TMTC2: variants seen among roughly 807,000 people sequenced by gnomAD.
The protein encoded by TMTC2 is transmembrane O-mannosyltransferase targeting cadherins 2, also known as protein O-mannosyl-transferase TMTC2.
TMTC2 carries 43 observed loss-of-function variants against 82.4 expected under a neutral mutation model. The ratio of observed to expected loss-of-function variants is 0.52; its 90% confidence interval spans 0.41 to 0.67. The LOEUF (loss-of-function observed/expected upper bound fraction) is 0.67. Ranked by LOEUF, TMTC2 falls within the 30% of genes least tolerant of loss-of-function variation. The pLI, the probability that TMTC2 is intolerant of heterozygous loss-of-function variation, is 0.00. For missense variants in TMTC2, 919 were observed against 1,012.4 expected (o/e 0.91, Z 1.25); for synonymous variants, 408 against 381.9 (o/e 1.07, Z -0.80).
intron 2 of TMTC2, among the ~76,000 whole-genome samples, chr12:82,889,201 T>C (rs1198525369): frequency 6.8e-6 from 1 of 147,466 alleles, no homozygotes; most frequent in African/African-American, 2.5e-5. Flanking sequence ...CACTTGAATG[T>C]GGGAGGCAGA....
intron 1 of TMTC2, among the ~76,000 whole-genome samples, chr12:82,788,890 G>C (rs768035971): frequency 6.6e-6 from 1 of 152,092 alleles, no homozygotes; most frequent in African/African-American, 2.4e-5. Flanking sequence ...GCCTGGCCTG[G>C]AGGAGTGGCT....
At chr12:83,131,942 CAT>C (rs1293780208) in intron 11 of TMTC2, among the ~76,000 whole-genome samples, 5 of 152,094 alleles carry the variant, frequency 3.3e-5, no homozygotes, top group African/African-American at 1.2e-4. Context: ...TTTAGATCTT[CAT>C]ATGTTACCTA....
chr12:82,937,750 G>GTATATA (rs1162321741), intron 4 of TMTC2, among the ~76,000 whole-genome samples: 19 of 106,032 alleles, frequency 1.8e-4, no homozygotes, highest in Non-Finnish European at 2.8e-4. Flanking sequence ...GTGTGTGTGT[G>GTATATA]TATATATATA....
At chr12:82,958,903 G>A (rs921965721) in intron 4 of TMTC2, among the ~76,000 whole-genome samples, 7 of 152,044 alleles carry the variant, frequency 4.6e-5, no homozygotes, top group African/African-American at 1.4e-4. Flanking sequence ...TTTACTGATA[G>A]CATTAATCTA....
chr12:82,707,953 T>C (rs1873443163), intron 1 of TMTC2, among the ~76,000 whole-genome samples: 1 of 152,222 alleles, frequency 6.6e-6, no homozygotes, highest in African/African-American at 2.4e-5. Flanking sequence ...AGGAGATAGT[T>C]GATTCATATA....
At chr12:82,769,812 T>C (rs1326142678) in intron 1 of TMTC2, among the ~76,000 whole-genome samples, 1 of 152,130 alleles carries the variant, frequency 6.6e-6, no homozygotes, top group Non-Finnish European at 1.5e-5. Flanking sequence ...AGTTTCGCCA[T>C]GTTTGCCAGG....
intron 4 of TMTC2, among the ~76,000 whole-genome samples, chr12:82,947,565 G>T (rs145464946): frequency 0.044 from 6,458 of 147,568 alleles, 612 homozygotes; most frequent in African/African-American, 0.16. Context: ...CTCCTGACCT[G>T]GTGATCCGCC....
At chr12:82,875,307 T>C (rs890049619) in intron 2 of TMTC2, among the ~76,000 whole-genome samples, 4 of 152,176 alleles carry the variant, frequency 2.6e-5, no homozygotes, top group Admixed American at 2.6e-4. Flanking sequence ...TATCTGACAC[T>C]TTAACTCTTC....
At chr12:82,914,817 A>ATTTTTT (rs71068958) in intron 3 of TMTC2, among the ~76,000 whole-genome samples, 26 of 86,426 alleles carry the variant, frequency 3.0e-4, no homozygotes, top group Non-Finnish European at 4.1e-4. Flanking sequence ...CAACTCACTT[A>ATTTTTT]TTTTTTTTTT....
intron 10 of TMTC2, among the ~76,000 whole-genome samples, 186 bp downstream of exon 10, chr12:83,051,204 C>T (rs7294871): frequency 0.32 from 49,041 of 152,076 alleles, 8,929 homozygotes; most frequent in South Asian, 0.46. Context: ...CGGTGGCCCA[C>T]GGGCCACATG....
intron 11 of TMTC2, among the ~76,000 whole-genome samples, chr12:83,127,437 A>G (rs1384004763): frequency 6.6e-6 from 1 of 152,128 alleles, no homozygotes; most frequent in African/African-American, 2.4e-5. Flanking sequence ...CACAGAGACC[A>G]ATGGGATACA....
intron 8 of TMTC2, among the ~76,000 whole-genome samples, chr12:83,018,400 C>G (rs866438847): frequency 6.6e-6 from 1 of 152,186 alleles, no homozygotes; most frequent in South Asian, 2.1e-4. Context: ...CATGCTATCG[C>G]TAAGCAGTTT....
At chr12:83,029,617 G>T (rs566442915) in intron 8 of TMTC2, among the ~76,000 whole-genome samples, 8 of 152,202 alleles carry the variant, frequency 5.3e-5, no homozygotes, top group Middle Eastern at 6.8e-3. Context: ...TGTGGCTTTG[G>T]ACACCACCCA....
At chr12:82,942,762 C>T (rs990542030) in intron 4 of TMTC2, among the ~76,000 whole-genome samples, 14 of 151,908 alleles carry the variant, frequency 9.2e-5, no homozygotes, top group African/African-American at 3.1e-4. Context: ...ACCTGGACGT[C>T]TGCAGAATGG....
At chr12:83,093,282 A>G (rs1439651107) in intron 11 of TMTC2, among the ~76,000 whole-genome samples, 2 of 152,236 alleles carry the variant, frequency 1.3e-5, no homozygotes, top group Non-Finnish European at 2.9e-5. Flanking sequence ...AGTAGTATTT[A>G]AAAATTACAT....
intron 9 of TMTC2, among the ~76,000 whole-genome samples, chr12:83,048,079 A>C (rs545727760): frequency 6.6e-6 from 1 of 152,336 alleles, no homozygotes; most frequent in South Asian, 2.1e-4. Flanking sequence ...CTTTGTTTGA[A>C]TACCACATAA....
intron 1 of TMTC2, among the ~76,000 whole-genome samples, chr12:82,798,048 C>T (rs1404125011): frequency 6.7e-6 from 1 of 150,024 alleles, no homozygotes. Context: ...CACCATTCTC[C>T]TGCCTCACAC....
chr12:82,983,336 C>A (rs2137332272), intron 7 of TMTC2, among the ~76,000 whole-genome samples: 1 of 151,982 alleles, frequency 6.6e-6, no homozygotes, highest in South Asian at 2.1e-4. Flanking sequence ...TTACATTACT[C>A]ATTTATAGCC....
At chr12:82,888,443 G>A (rs930594204) in intron 2 of TMTC2, among the ~76,000 whole-genome samples, 1 of 152,202 alleles carries the variant, frequency 6.6e-6, no homozygotes, top group African/African-American at 2.4e-5. Context: ...TTGGAGTTGT[G>A]TGGAAGACTT....
Sources: allele counts gnomAD v4.1 joint callset (sites outside exome capture counted in the v4.1 genomes callset), GRCh38; gene constraint gnomAD v4.1.1; transcripts MANE v1.5; gene names NCBI Gene and HGNC (gene_info 2026-07-23, HGNC 2026-07-21).